Variants in ITGAL observed in about 807,000 individuals in gnomAD.
ITGAL encodes integrin alpha-L.
ITGAL carries 68 observed loss-of-function variants against 138.4 expected under a neutral mutation model. The observed-to-expected ratio is 0.49, with a 90% CI of 0.40 to 0.60. The LOEUF (loss-of-function observed/expected upper bound fraction) is 0.60, where lower values mean the gene tolerates loss of function less well. Ranked by LOEUF, ITGAL falls within the 20% of genes least tolerant of loss-of-function variation. The probability of loss-of-function intolerance (pLI) is 0.00; values close to 1 mark genes in which losing one functional copy is unlikely to be tolerated. For missense variants in ITGAL, 1,256 were observed against 1,478.6 expected, an observed-to-expected ratio of 0.85 and a Z score of 2.47; for synonymous variants, 561 against 584.3, an observed-to-expected ratio of 0.96 and a Z score of 0.57.
In ITGAL at chr16:30,511,156, C is replaced by A; in HGVS notation, c.2786+20C>A. The A allele has an allele frequency of 6.3e-7, 1 of 1,586,448 alleles. No homozygotes were observed. The highest frequency in any genetic ancestry group is 8.7e-7 in the Non-Finnish European group (1 of 1,154,864). ...CCAGGAGTAAGTTCTTCCCAGCAGA[C>A]AGCCAACCCTCTCCTCCCACCGCAG... is the stretch of plus-strand genomic sequence containing the variant. On this transcript the variant is annotated intron_variant, in intron 24 of 30. Coordinates refer to ENST00000356798, the MANE Select transcript of ITGAL (RefSeq NM_002209.3).
chr16:30,504,287 G>A, intron 18 of ITGAL, 23 bp downstream of exon 18: 2 of 1,565,534 alleles, frequency 1.3e-6, no homozygotes, highest in Non-Finnish European at 1.8e-6. Context: ...GGCTAGGGAT[G>A]GTGGGGAGTT....
At chr16:30,492,058 C>T (rs189267426) in intron 11 of ITGAL, among the ~76,000 whole-genome samples, 5 of 152,200 alleles carry the variant, frequency 3.3e-5, no homozygotes, top group African/African-American at 9.6e-5. Flanking sequence ...TGCACAGAGA[C>T]CATCAGATGG....
rs754606863 is a variant in ITGAL at position 30,474,257 on chromosome 16, C to T, written c.123C>T (p.Ala41=). The part of the protein sequence containing the change: ...RGARSFSPPR[A]GRHFGYRVLQ... ...CGCGGAGCTTCTCCCCACCGCGCGC[C>T]GGGAGGCACTTTGGATACCGCGTCC... is the stretch of plus-strand genomic sequence containing the variant. The change falls in exon 2 of 31, where the codon GCC becomes GCT. Residue 41 remains alanine, a synonymous_variant. Coordinates refer to ENST00000356798, the MANE Select transcript of ITGAL (RefSeq NM_002209.3). The T allele has an allele frequency of 2.1e-5, 33 of 1,608,986 alleles. No homozygotes were observed. Among genetic ancestry groups the T allele is most frequent in the Admixed American group, 5.1e-5 (3 of 59,288 alleles).
At chr16:30,502,608 TG>T (rs1369623734) in intron 17 of ITGAL, among the ~76,000 whole-genome samples, 2 of 148,572 alleles carry the variant, frequency 1.3e-5, no homozygotes, top group Non-Finnish European at 3.0e-5. Flanking sequence ...ATTAGCCAGG[TG>T]TGGTGGCAGG....
At chr16:30,474,094 C>G in intron 1 of ITGAL, 102 bp from the exon 2 acceptor site, 1 of 836,416 alleles carries the variant, frequency 1.2e-6, no homozygotes, top group Non-Finnish European at 2.0e-6. Flanking sequence ...GTGCGGGTGG[C>G]CTGGGGAGCG....
intron 6 of ITGAL, 146 bp downstream of exon 6, chr16:30,479,607 G>A: frequency 1.5e-6 from 1 of 645,772 alleles, no homozygotes; most frequent in Admixed American, 2.9e-5. Context: ...ACAAGAACCA[G>A]GGAGTAGAAA....
At chr16:30,518,855 G>C (rs1250504296) in intron 29 of ITGAL, 136 bp downstream of exon 29, 1 of 680,814 alleles carries the variant, frequency 1.5e-6, no homozygotes, top group African/African-American at 1.8e-5. Context: ...ATCAGCCTGG[G>C]AGAAGCTTCT....
chr16:30,518,567 G>T, intron 28 of ITGAL, 57 bp from the exon 29 acceptor site: 1 of 1,243,212 alleles, frequency 8.0e-7, no homozygotes, highest in Non-Finnish European at 1.2e-6. Flanking sequence ...GGGGGCAAAA[G>T]CCAGTGGGTT....
Position 30,493,259 on chromosome 16 carries a change from T to TTATTTTATTTTA in ITGAL, c.1214-951_1214-940dup, listed in dbSNP as rs1257223068. The stretch of plus-strand genomic sequence containing the variant: ...CTAATATATACCATTTTATTTTATT[T>TTATTTTATTTTA]TATTTTATTTTATTTTATTTTATTT... On this transcript the variant is annotated intron_variant, in intron 11 of 30. Coordinates refer to ENST00000356798, the MANE Select transcript of ITGAL (RefSeq NM_002209.3). Among the ~76,000 whole-genome samples, 506 of 143,014 alleles carry TTATTTTATTTTA rather than the reference T, an allele frequency of 3.5e-3. 34 individuals are homozygous for TTATTTTATTTTA. The South Asian group carries it at 0.1, about 28-fold the overall frequency. 93.8% of individuals were successfully genotyped at this position (143,014 alleles called of 152,430 possible).
In ITGAL at chr16:30,484,160, A is replaced by T; in HGVS notation, c.903A>T (p.Lys301Asn). The T allele has an allele frequency of 6.2e-7, 1 of 1,614,078 alleles. No homozygotes were observed. The highest frequency in any genetic ancestry group is 8.5e-7 in the Non-Finnish European group (1 of 1,180,002). ...QTKESQETLHKFASKPASEFV... is the reference protein window; with the variant it reads ...QTKESQETLHNFASKPASEFV... Reference sequence around the variant, plus strand: ...AGGAGAGTCAGGAGACCCTCCACAAATTTGCATCAAAACCCGCGAGCGAGT... The same window carrying T: ...AGGAGAGTCAGGAGACCCTCCACAATTTTGCATCAAAACCCGCGAGCGAGT... Residue 301 changes from lysine (K) to asparagine (N), a missense_variant, in exon 9 of 31, where the codon AAA (lysine) becomes AAT (asparagine). This residue lies in a region of ITGAL where 177 missense variants were observed against 288.8 expected (regional missense o/e 0.61). Coordinates refer to ENST00000356798, the MANE Select transcript of ITGAL (RefSeq NM_002209.3).
chr16:30,494,082 GAGA>G lies in ITGAL; in HGVS notation c.1214-127_1214-125del, dbSNP rs1290001308. The G allele has an allele frequency of 8.1e-6, 6 of 739,682 alleles. No homozygotes were observed. The East Asian group carries it at 1.0e-4, about 13-fold the overall frequency. The allele number at this position is 739,682 out of a possible 1,614,324, so 45.8% of individuals were successfully genotyped here. ...GGGAGCACATGGATGCTTTTCTCAG[GAGA>G]AGGTCTTCAGCTGTTTCCATGCATC... On this transcript the variant is annotated intron_variant, in intron 11 of 30. Coordinates refer to ENST00000356798, the MANE Select transcript of ITGAL (RefSeq NM_002209.3). This position sits in a 1 kb window ranked among gnomAD's most constrained non-coding sequence, Gnocchi z 4.2.
chr16:30,478,791 G>T (rs2050511379), intron 4 of ITGAL, among the ~76,000 whole-genome samples: 1 of 152,078 alleles, frequency 6.6e-6, no homozygotes, highest in South Asian at 2.1e-4. Flanking sequence ...AAAAGAGATT[G>T]GGACTAGGAG....
intron 4 of ITGAL, 45 bp downstream of exon 4, chr16:30,475,625 A>G (rs2050459229): frequency 1.4e-6 from 2 of 1,395,200 alleles, no homozygotes; most frequent in Admixed American, 1.7e-5. Context: ...GTGAAGCTCA[A>G]TTCAAGTAAT....
intron 17 of ITGAL, among the ~76,000 whole-genome samples, chr16:30,500,132 C>G (rs2050873467): frequency 6.6e-6 from 1 of 151,078 alleles, no homozygotes; most frequent in Admixed American, 6.7e-5. Context: ...ATCACCCAGG[C>G]TGGAGTGCAG....
rs758416754 is a variant in ITGAL, at chr16:30,496,172, G to A, written c.1579G>A (p.Ala527Thr). 1.2e-6 allele frequency: 2 copies of A among 1,614,016 alleles called. No homozygotes were observed. The highest frequency in any genetic ancestry group is 1.7e-6 in the Non-Finnish European group (2 of 1,180,028). Residue 527 changes from alanine (A) to threonine (T), a missense_variant, in exon 14 of 31, where the codon GCT (alanine) becomes ACT (threonine). Ala to Thr is a moderately conservative substitution (Grantham distance 58). Around this residue, in one of 3 missense-constraint regions of ITGAL, gnomAD observed 867 missense variants for 972.5 expected, o/e 0.89. Transcript: ENST00000356798. ...PLGRFGEAIT[A>T]LTDINGDGLV... Reference sequence around the variant, plus strand: ...CGGGCGGTTTGGAGAAGCCATCACTGCTCTGACAGACATCAACGGCGATGG... The same window carrying A: ...CGGGCGGTTTGGAGAAGCCATCACTACTCTGACAGACATCAACGGCGATGG...
In ITGAL at chr16:30,495,972, T is replaced by A. The variant is rs1456965088; in HGVS notation, c.1504-125T>A. On this transcript the variant is annotated intron_variant, in intron 13 of 30. Coordinates refer to ENST00000356798, the MANE Select transcript of ITGAL (RefSeq NM_002209.3). ...GGGCTGGTGCTTGAACCCTGGTTAG[T>A]CTAACAGCACCATTCCAATTCTGTG... 3.9e-6 allele frequency: 3 copies of A among 776,346 alleles called. No homozygotes were observed. In the Admixed American group the frequency reaches 6.2e-5, roughly 16 times the overall value. 48.1% of individuals were successfully genotyped at this position (776,346 alleles called of 1,614,324 possible).
chr16:30,484,783 G>A (rs1051484162), intron 9 of ITGAL, among the ~76,000 whole-genome samples: 55 of 152,008 alleles, frequency 3.6e-4, no homozygotes, highest in African/African-American at 1.3e-3. Context: ...GCTGGGCTTG[G>A]TGGTGCATGC....
intron 11 of ITGAL, among the ~76,000 whole-genome samples, chr16:30,493,156 G>A (rs907453108): frequency 6.6e-6 from 1 of 151,980 alleles, no homozygotes; most frequent in Non-Finnish European, 1.5e-5. Flanking sequence ...AAAATGTTAG[G>A]ATTACAGGTG....
Position 30,474,200 on chromosome 16 carries a change from G to A in ITGAL, c.66G>A (p.Pro22=), listed in dbSNP as rs1254150319. 6.2e-7 allele frequency: 1 copy of A among 1,600,192 alleles called. No individual in the cohort carries two copies. Among genetic ancestry groups the A allele is most frequent in the African/African-American group, 1.3e-5 (1 of 74,734 alleles). Residue 22 remains proline, a synonymous_variant, in exon 2 of 31, where the codon CCG becomes CCA. Coordinates refer to ENST00000356798, the MANE Select transcript of ITGAL (RefSeq NM_002209.3). ...GACGACCCTTGCCTTCCTCAGCGCC[G>A]GCCTCGAGCTACAACCTGGACGTGC... ...ALLSGFFFFA[P]ASSYNLDVRG... is the part of the protein sequence containing the mutation.
Sources: gnomAD v4.1 joint callset for allele counts (sites outside exome capture counted in the v4.1 genomes callset) on GRCh38, gnomAD v4.1.1 for gene constraint, gnomAD v4.1.1 regional missense constraint, Gnocchi (gnomAD v3.1) non-coding constraint, MANE v1.5 for transcripts, NCBI Gene and HGNC (gene_info 2026-07-23, HGNC 2026-07-21) for gene names.